Variants in ARHGAP22 observed in about 807,000 individuals in gnomAD.
The protein encoded by ARHGAP22 is rho GTPase-activating protein 22.
In ARHGAP22, 48 loss-of-function variants were observed where a neutral mutation model predicts 59.1. The ratio of observed to expected loss-of-function variants is 0.81; its 90% CI spans 0.64 to 1.03. The LOEUF (loss-of-function observed/expected upper bound fraction) is 1.03. Among genes scored for constraint, ARHGAP22 ranks in the 50% least tolerant of loss-of-function variants. ARHGAP22 has a pLI of 0.00. For missense variants in ARHGAP22, 1,015 were observed against 958.7 expected (o/e 1.06, Z -0.78); for synonymous variants, 445 against 416.4 (o/e 1.07, Z -0.84).
chr10:48,581,969 G>C lies in ARHGAP22; in HGVS notation c.234+984C>G, dbSNP rs569697809. On this transcript the variant is annotated intron_variant, in intron 2 of 9. Coordinates refer to ENST00000249601, the MANE Select transcript of ARHGAP22 (RefSeq NM_021226.4). ...TATTTTGTTTAAAAGGAGGATCCAA[G>C]TGTTTGAGAAGTGTCAAAGGTAGGC... is the stretch of plus-strand genomic sequence containing the variant. 8.9e-4 allele frequency among the ~76,000 whole-genome samples: 136 copies of C among 152,302 alleles called. 1 individual carries two copies. The highest frequency in any genetic ancestry group is 1.8e-3 in the Admixed American group (28 of 15,304).
intron 1 of ARHGAP22, among the ~76,000 whole-genome samples, chr10:48,588,606 G>A (rs184035075): frequency 5.5e-4 from 84 of 152,290 alleles, no homozygotes; most frequent in Admixed American, 1.4e-3. Context: ...GGCCCAGAGA[G>A]GAGGAAGGTG....
intron 1 of ARHGAP22, among the ~76,000 whole-genome samples, chr10:48,597,407 T>G (rs2060132082): frequency 6.6e-6 from 1 of 152,020 alleles, no homozygotes; most frequent in Non-Finnish European, 1.5e-5. Context: ...AAAGTGAAAC[T>G]GTAGCTTAGC....
At chr10:48,442,714 T>G (rs2045231928), downstream of ARHGAP22, among the ~76,000 whole-genome samples, 1 of 152,146 alleles carries the variant, frequency 6.6e-6, no homozygotes, top group Non-Finnish European at 1.5e-5. Flanking sequence ...CTTGTCTCCT[T>G]TTACCACAGT....
In ARHGAP22 at chr10:48,531,389, A is replaced by C. The variant is rs920546243; in HGVS notation, c.322+24074T>G. Reference sequence around the variant, plus strand: ...CACTAAAGGACTTATTCATGTAATAAACACCACATGTTCCCCCAAAACCTA... The same window carrying C: ...CACTAAAGGACTTATTCATGTAATACACACCACATGTTCCCCCAAAACCTA... On this transcript the variant is annotated intron_variant, in intron 3 of 9. Coordinates refer to ENST00000249601, the MANE Select transcript of ARHGAP22 (RefSeq NM_021226.4). Among the ~76,000 whole-genome samples, 6 of 152,224 alleles carry C rather than the reference A, an allele frequency of 3.9e-5. No individual in the cohort carries two copies. In the East Asian group the frequency reaches 7.7e-4, roughly 20 times the overall value.
intron 3 of ARHGAP22, among the ~76,000 whole-genome samples, chr10:48,545,909 G>A (rs1032225524): frequency 8.5e-5 from 13 of 152,170 alleles, no homozygotes; most frequent in African/African-American, 3.1e-4. Flanking sequence ...AAGCAGACAC[G>A]TCGGAGGTCA....
At chr10:48,590,937 T>C (rs1387453939) in intron 1 of ARHGAP22, among the ~76,000 whole-genome samples, 1 of 152,172 alleles carries the variant, frequency 6.6e-6, no homozygotes, top group African/African-American at 2.4e-5. Flanking sequence ...CAGTGAATAA[T>C]TTCACTTATT....
intron 3 of ARHGAP22, among the ~76,000 whole-genome samples, chr10:48,539,497 T>C (rs949164611): frequency 1.1e-4 from 17 of 151,534 alleles, no homozygotes; most frequent in Non-Finnish European, 2.2e-4. Context: ...TTCACCGTTT[T>C]AGCCGGGATG....
intron 3 of ARHGAP22, among the ~76,000 whole-genome samples, chr10:48,498,082 C>A (rs1031593947): frequency 4.6e-5 from 7 of 152,180 alleles, no homozygotes; most frequent in Admixed American, 1.3e-4. Context: ...CGGTCCCCAA[C>A]TTGCATAAGG....
intron 1 of ARHGAP22, among the ~76,000 whole-genome samples, chr10:48,599,923 T>G (rs940817481): frequency 1.3e-5 from 2 of 152,178 alleles, no homozygotes; most frequent in Middle Eastern, 3.2e-3. Flanking sequence ...CTGGCATCCC[T>G]GGGGGCATGA....
Position 48,446,165 on chromosome 10 carries a change from TCCCCTTCTGACC to T in ARHGAP22, c.*214_*225del. On this transcript the variant is annotated 3_prime_UTR_variant, in exon 10 of 10. Coordinates refer to ENST00000249601, the MANE Select transcript of ARHGAP22 (RefSeq NM_021226.4). ...GGGCTAAGCGCTACTCTTGGTACCGTCCCCTTCTGACCCTCACCAGGAACTGCATGGTTGGAG... is the reference window on the plus strand; with the variant it reads ...GGGCTAAGCGCTACTCTTGGTACCGTCTCACCAGGAACTGCATGGTTGGAG... 1.7e-6 allele frequency: 1 copy of T among 589,202 alleles called. No individual in the cohort carries two copies. The highest frequency in any genetic ancestry group is 2.8e-5 in the East Asian group (1 of 35,556). 36.5% of individuals were successfully genotyped at this position (589,202 alleles called of 1,614,324 possible).
intron 4 of ARHGAP22, among the ~76,000 whole-genome samples, chr10:48,474,238 C>T (rs1331207742): frequency 6.6e-6 from 1 of 151,902 alleles, no homozygotes; most frequent in Non-Finnish European, 1.5e-5. Context: ...TTCTTAATTT[C>T]GTTTTCAGTT....
chr10:48,487,313 C>T (rs992866355), intron 3 of ARHGAP22, among the ~76,000 whole-genome samples: 2 of 151,998 alleles, frequency 1.3e-5, no homozygotes, highest in African/African-American at 4.8e-5. Flanking sequence ...CATGCCTGTC[C>T]CTGGAACCTG....
chr10:48,560,267 C>T (rs2057599793), intron 2 of ARHGAP22, among the ~76,000 whole-genome samples: 1 of 152,124 alleles, frequency 6.6e-6, no homozygotes, highest in Non-Finnish European at 1.5e-5. Flanking sequence ...ATCGGGATTG[C>T]ATAGATCAAT....
chr10:48,649,141 T>C (rs1050406558), intron 1 of ARHGAP22, among the ~76,000 whole-genome samples: 1 of 152,130 alleles, frequency 6.6e-6, no homozygotes, highest in African/African-American at 2.4e-5. Flanking sequence ...CGAGAACAAG[T>C]CCAAGTTTCT....
chr10:48,571,846 T>C (rs4989810), intron 2 of ARHGAP22, among the ~76,000 whole-genome samples: 58,603 of 151,896 alleles, frequency 0.39, 12,713 homozygotes, highest in East Asian at 0.89. Flanking sequence ...TTTCTCTCAT[T>C]CACGCTTCCT....
chr10:48,619,152 T>C (rs1175975938), intron 1 of ARHGAP22, among the ~76,000 whole-genome samples: 1 of 152,068 alleles, frequency 6.6e-6, no homozygotes, highest in Non-Finnish European at 1.5e-5. Flanking sequence ...GTGAAAGATC[T>C]CTACAAGGAA....
intron 3 of ARHGAP22, among the ~76,000 whole-genome samples, chr10:48,502,842 T>G (rs1274159615): frequency 6.6e-6 from 1 of 152,110 alleles, no homozygotes; most frequent in Non-Finnish European, 1.5e-5. Context: ...AAAGCAAGAG[T>G]CTCTGCCTCT....
At chr10:48,453,547 T>A in intron 7 of ARHGAP22, 122 bp from the exon 8 acceptor site, 2 of 1,428,926 alleles carry the variant, frequency 1.4e-6, no homozygotes, top group Non-Finnish European at 1.9e-6. Flanking sequence ...TTTTGCCCAC[T>A]GGGTGTAGCC....
In ARHGAP22 at chr10:48,450,704, C is replaced by T. The variant is rs78027088; in HGVS notation, c.1425G>A (p.Ser475=). ...LSSLRGHRRA[S]SGDRLKDSGS... The stretch of plus-strand genomic sequence containing the variant: ...CCGAGTCCTTGAGCCGGTCTCCCGA[C>T]GAGGCCCGGCGGTGTCCGCGCAGGG... The change falls in exon 9 of 10, where the codon TCG becomes TCA. Residue 475 remains serine (S), a synonymous_variant. Coordinates refer to ENST00000249601, the MANE Select transcript of ARHGAP22 (RefSeq NM_021226.4). The T allele has an allele frequency of 3.2e-6, 5 of 1,552,764 alleles. No individual in the cohort carries two copies. Among genetic ancestry groups the T allele is most frequent in the South Asian group, 1.2e-5 (1 of 84,154 alleles).
Sources: allele counts gnomAD v4.1 joint callset (sites outside exome capture counted in the v4.1 genomes callset), GRCh38; gene constraint gnomAD v4.1.1; transcripts MANE v1.5; gene names NCBI Gene and HGNC (gene_info 2026-07-23, HGNC 2026-07-21).